CYTH1: variants seen among roughly 807,000 people sequenced by gnomAD.
CYTH1 encodes cytohesin 1.
CYTH1 carries 18 observed loss-of-function variants against 61.8 expected under a neutral mutation model. That is an observed-to-expected ratio of 0.29 (90% confidence interval 0.20 to 0.43). CYTH1 has a LOEUF of 0.43. Among genes scored for constraint, CYTH1 ranks in the 20% least tolerant of loss-of-function variants. The probability of loss-of-function intolerance (pLI) is 1.00; values close to 1 mark genes in which losing one functional copy is unlikely to be tolerated. For missense variants in CYTH1, 336 were observed against 510.5 expected, an observed-to-expected ratio of 0.66 and a Z score of 3.29; for synonymous variants, 174 against 184.3, an observed-to-expected ratio of 0.94 and a Z score of 0.45.
At chr17:78,765,098 T>C (rs1410251829) in intron 1 of CYTH1, among the ~76,000 whole-genome samples, 1 of 152,100 alleles carries the variant, frequency 6.6e-6, no homozygotes, top group Admixed American at 6.5e-5. Flanking sequence ...AGGCCCGAGC[T>C]GGGGAGCGTG....
intron 1 of CYTH1, among the ~76,000 whole-genome samples, chr17:78,752,058 C>T (rs1420974286): frequency 6.6e-6 from 1 of 152,094 alleles, no homozygotes; most frequent in African/African-American, 2.4e-5. Flanking sequence ...TTCAAATAGT[C>T]TAGTTCAAAG....
chr17:78,698,710 AGAG>A, intron 8 of CYTH1, 107 bp downstream of exon 8: 1 of 1,299,828 alleles, frequency 7.7e-7, no homozygotes, highest in Non-Finnish European at 1.0e-6. Context: ...ACAAATTAAA[AGAG>A]GAGACCCTTG....
intron 3 of CYTH1, among the ~76,000 whole-genome samples, chr17:78,706,329 A>ACACTAG (rs2093066040): frequency 7.7e-6 from 1 of 130,604 alleles, no homozygotes; most frequent in Non-Finnish European, 1.6e-5. Context: ...CGGAGGCAGC[A>ACACTAG]CTGTCATGAT....
chr17:78,680,871 G>T, intron 12 of CYTH1, 100 bp downstream of exon 12: 2 of 1,155,790 alleles, frequency 1.7e-6, no homozygotes, highest in South Asian at 1.3e-5. Flanking sequence ...ATAAAAGCCT[G>T]ATCACGCTTT....
At position 78,676,175 on chromosome 17, in the gene CYTH1, G is replaced by T; in HGVS notation, c.1119-6C>A. 1.2e-6 allele frequency: 2 copies of T among 1,603,716 alleles called. No individual in the cohort carries two copies. The highest frequency in any genetic ancestry group is 3.4e-5 in the Admixed American group (2 of 58,098). On this transcript the variant is annotated splice_region_variant and splice_polypyrimidine_tract_variant and intron_variant, in intron 13 of 13. Coordinates refer to ENST00000446868, the MANE Select transcript of CYTH1 (RefSeq NM_004762.6). ...GGTCCCTGCTGATGGCTGCTCTGGA[G>T]CACAGAAAAGGGAGAAAACAGAGAC...
At chr17:78,735,250 G>A (rs2093315280) in intron 1 of CYTH1, among the ~76,000 whole-genome samples, 6 of 152,066 alleles carry the variant, frequency 3.9e-5, no homozygotes, top group Admixed American at 2.6e-4. Context: ...GTTGACTTTT[G>A]AAGCCTCCAG....
At chr17:78,692,748 T>C (rs769646252) in intron 10 of CYTH1, among the ~76,000 whole-genome samples, 1 of 151,508 alleles carries the variant, frequency 6.6e-6, no homozygotes, top group Non-Finnish European at 1.5e-5. Context: ...GACGGCAGGA[T>C]GAGCATGGGT....
At chr17:78,778,215 G>A (rs574418772) in intron 1 of CYTH1, among the ~76,000 whole-genome samples, 2 of 140,462 alleles carry the variant, frequency 1.4e-5, no homozygotes, top group South Asian at 2.2e-4. Context: ...AGGGAGAATC[G>A]CATGAACCCA....
chr17:78,702,436 C>T, intron 4 of CYTH1, 102 bp downstream of exon 4: 2 of 1,306,574 alleles, frequency 1.5e-6, no homozygotes, highest in Non-Finnish European at 2.2e-6. Context: ...AAAACGGCAA[C>T]ATGAACTGTA....
intron 1 of CYTH1, among the ~76,000 whole-genome samples, chr17:78,756,083 T>TA (rs898837049): frequency 6.2e-5 from 9 of 145,762 alleles, no homozygotes; most frequent in Admixed American, 6.0e-4. Context: ...ATTTTTATTT[T>TA]TTTTTTTTTT....
chr17:78,743,160 G>A (rs761930419), intron 1 of CYTH1, among the ~76,000 whole-genome samples: 2 of 152,170 alleles, frequency 1.3e-5, no homozygotes, highest in Admixed American at 6.5e-5. Flanking sequence ...AAAAAATCAT[G>A]TAACAAAAAT....
At chr17:78,721,547 C>A (rs566935186) in intron 1 of CYTH1, among the ~76,000 whole-genome samples, 1 of 152,316 alleles carries the variant, frequency 6.6e-6, no homozygotes, top group African/African-American at 2.4e-5. Context: ...TTTATTACTG[C>A]ATTCTGCATT....
intron 1 of CYTH1, among the ~76,000 whole-genome samples, chr17:78,760,408 T>C (rs1256467647): frequency 3.6e-5 from 2 of 54,912 alleles, no homozygotes; most frequent in East Asian, 1.3e-3. Context: ...TATATATATG[T>C]GTATATATAT....
At chr17:78,739,912 C>A (rs2093335508) in intron 1 of CYTH1, among the ~76,000 whole-genome samples, 1 of 147,576 alleles carries the variant, frequency 6.8e-6, no homozygotes. Flanking sequence ...TCTGGCCTGG[C>A]AAGTGAAAGA....
chr17:78,725,001 C>A (rs2093257964), intron 1 of CYTH1, among the ~76,000 whole-genome samples: 2 of 152,170 alleles, frequency 1.3e-5, no homozygotes, highest in Admixed American at 6.5e-5. Context: ...ATTCTACATT[C>A]TACAAAATGT....
intron 9 of CYTH1, among the ~76,000 whole-genome samples, chr17:78,697,323 T>TC (rs1224474004): frequency 1.0e-4 from 6 of 57,688 alleles, no homozygotes; most frequent in African/African-American, 4.3e-4. Context: ...CCTGCTAGTG[T>TC]CCAAAAAAAA....
At chr17:78,701,603 A>C in intron 6 of CYTH1, 68 bp downstream of exon 6, 1 of 1,422,074 alleles carries the variant, frequency 7.0e-7, no homozygotes, top group Non-Finnish European at 9.9e-7. Context: ...AATGCCCCCC[A>C]GGACAGACTC....
At position 78,727,847 on chromosome 17, in the gene CYTH1, C is replaced by T. The variant is rs576005604; in HGVS notation, c.23-18115G>A. On this transcript the variant is annotated intron_variant, in intron 1 of 13. Coordinates refer to ENST00000446868, the MANE Select transcript of CYTH1 (RefSeq NM_004762.6). ...GGCAGAACTGTAGGAGGAAGAAAGACGAGACCTATGGCAGGGGCAGCCAAG... is the reference window on the plus strand; with the variant it reads ...GGCAGAACTGTAGGAGGAAGAAAGATGAGACCTATGGCAGGGGCAGCCAAG... The T allele has an allele frequency of 5.1e-5, 19 of 373,436 alleles. 1 individual carries two copies. Among genetic ancestry groups the T allele is most frequent in the South Asian group, 7.7e-5 (4 of 51,942 alleles). The allele number at this position is 373,436 out of a possible 1,614,324, so 23.1% of individuals were successfully genotyped here.
intron 9 of CYTH1, among the ~76,000 whole-genome samples, chr17:78,697,976 C>T (rs996409551): frequency 1.4e-4 from 22 of 152,126 alleles, no homozygotes; most frequent in African/African-American, 5.3e-4. Flanking sequence ...TCTCTGTGTC[C>T]CATGGGGGCA....
Sources: allele counts gnomAD v4.1 joint callset (sites outside exome capture counted in the v4.1 genomes callset), GRCh38; gene constraint gnomAD v4.1.1; transcripts MANE v1.5; gene names NCBI Gene and HGNC (gene_info 2026-07-23, HGNC 2026-07-21).